MCTP1: variants seen among roughly 807,000 people sequenced by gnomAD.
The protein encoded by MCTP1 is multiple C2 and transmembrane domain-containing protein 1.
In MCTP1, 69 loss-of-function variants were observed where a neutral mutation model predicts 120.6. The ratio of observed to expected loss-of-function variants is 0.57; its 90% CI spans 0.47 to 0.70. MCTP1 has a LOEUF of 0.70. Among genes scored for constraint, MCTP1 ranks in the 30% least tolerant of loss-of-function variants. MCTP1 has a pLI of 0.00. For synonymous variants in MCTP1, 529 were observed against 493.1 expected (o/e 1.07, Z -0.96); for missense variants, 1,203 against 1,248.8 (o/e 0.96, Z 0.55).
chr5:95,003,213 G>A (rs774136915), intron 2 of MCTP1, among the ~76,000 whole-genome samples: 28 of 152,134 alleles, frequency 1.8e-4, no homozygotes, highest in Admixed American at 8.5e-4. Flanking sequence ...ATAGCAACAT[G>A]AGAATGGACT....
At chr5:94,842,092 C>T (rs376578534) in intron 17 of MCTP1, among the ~76,000 whole-genome samples, 10 of 152,124 alleles carry the variant, frequency 6.6e-5, no homozygotes, top group Admixed American at 1.3e-4. Flanking sequence ...CACAGTCATA[C>T]GCAACGCTGT....
At chr5:95,195,029 A>G (rs1582494782) in intron 1 of MCTP1, among the ~76,000 whole-genome samples, 3 of 152,228 alleles carry the variant, frequency 2.0e-5, no homozygotes, top group African/African-American at 7.2e-5. Context: ...ACCAGGAGGA[A>G]TACTGTGTGG....
chr5:95,252,007 G>T (rs1757427492), intron 1 of MCTP1, among the ~76,000 whole-genome samples: 1 of 152,052 alleles, frequency 6.6e-6, no homozygotes, highest in South Asian at 2.1e-4. Context: ...CATCAAAGCA[G>T]AATATCATAC....
intron 10 of MCTP1, among the ~76,000 whole-genome samples, chr5:94,902,520 G>T (rs1203881309): frequency 6.6e-6 from 1 of 152,022 alleles, no homozygotes; most frequent in Non-Finnish European, 1.5e-5. Context: ...GTTTTAAAAA[G>T]CACAATTTTA....
At chr5:95,275,658 T>C (rs1439914354) in intron 1 of MCTP1, among the ~76,000 whole-genome samples, 1 of 152,192 alleles carries the variant, frequency 6.6e-6, no homozygotes, top group East Asian at 1.9e-4. Flanking sequence ...TAATGGGATA[T>C]TTCATATTCT....
chr5:94,917,171 C>A (rs1810296611), intron 8 of MCTP1, among the ~76,000 whole-genome samples: 1 of 152,052 alleles, frequency 6.6e-6, no homozygotes, highest in South Asian at 2.1e-4. Context: ...TGTTGCTAGT[C>A]CACCAAAATC....
rs549602641 is a variant in MCTP1 at position 95,106,786 on chromosome 5, A to G, written c.721-89302T>C. Among the ~76,000 whole-genome samples the G allele has an allele frequency of 2.9e-4, 44 of 152,348 alleles. No homozygotes were observed. The Middle Eastern group carries it at 0.01, about 35-fold the overall frequency. On this transcript the variant is annotated intron_variant, in intron 1 of 22. Coordinates refer to ENST00000515393, the MANE Select transcript of MCTP1 (RefSeq NM_024717.7). ...GCAGGCCACATGCTGTTTTGAAAGCATGGTTCACAGATGTCTGCGTTGACT... is the reference window on the plus strand; with the variant it reads ...GCAGGCCACATGCTGTTTTGAAAGCGTGGTTCACAGATGTCTGCGTTGACT...
chr5:95,181,529 T>A (rs1045049930), intron 1 of MCTP1, among the ~76,000 whole-genome samples: 54 of 152,172 alleles, frequency 3.5e-4, no homozygotes, highest in Non-Finnish European at 4.7e-4. Flanking sequence ...TGTTCCCTCT[T>A]CATTTTCCTT....
chr5:94,714,881 A>G lies in MCTP1; in HGVS notation c.2616T>C (p.Ser872=). ...TTTTATTTATAAATCCCTTTTTTTC[A>G]CTGTCCTAAAATGCAATAAAAAAGA... The part of the protein sequence containing the change: ...EEEDDKDDKD[S]EKKGFINKIY... Residue 872 remains serine (S), a synonymous_variant, in exon 20 of 23, where the codon AGT becomes AGC. Transcript: ENST00000515393. 2 of 1,593,536 alleles carry G rather than the reference A, an allele frequency of 1.3e-6. No individual in the cohort carries two copies. Among genetic ancestry groups the G allele is most frequent in the Non-Finnish European group, 1.7e-6 (2 of 1,161,696 alleles).
chr5:94,715,172 TATAAG>T (rs1437573316), intron 19 of MCTP1, among the ~76,000 whole-genome samples: 1 of 151,218 alleles, frequency 6.6e-6, no homozygotes, highest in African/African-American at 2.4e-5. Flanking sequence ...GGGAGGAAGG[TATAAG>T]AGAGAGGGGA....
At chr5:94,769,092 T>C (rs1260234132) in intron 19 of MCTP1, among the ~76,000 whole-genome samples, 1 of 152,074 alleles carries the variant, frequency 6.6e-6, no homozygotes, top group Non-Finnish European at 1.5e-5. Flanking sequence ...TGCAGCAATG[T>C]GGGTGGGACT....
Position 95,117,974 on chromosome 5 carries a change from G to A in MCTP1, c.721-100490C>T, listed in dbSNP as rs188187155. 9.7e-4 allele frequency among the ~76,000 whole-genome samples: 148 copies of A among 152,214 alleles called. 1 individual carries two copies. Among genetic ancestry groups the A allele is most frequent in the Non-Finnish European group, 1.8e-3 (120 of 68,004 alleles). On this transcript the variant is annotated intron_variant, in intron 1 of 22. Coordinates refer to ENST00000515393, the MANE Select transcript of MCTP1 (RefSeq NM_024717.7). Reference sequence around the variant, plus strand: ...TGGGAGCTGAACAATGAGGACACACGGACACAGGGAGAAGAAAGGGGAACA... The same window carrying A: ...TGGGAGCTGAACAATGAGGACACACAGACACAGGGAGAAGAAAGGGGAACA...
At chr5:94,997,498 T>A (rs546267267) in intron 2 of MCTP1, among the ~76,000 whole-genome samples, 1 of 152,220 alleles carries the variant, frequency 6.6e-6, no homozygotes, top group Non-Finnish European at 1.5e-5. Context: ...GAGTTCATAT[T>A]CTGTACAACT....
chr5:95,009,784 A>G lies in MCTP1; in HGVS notation c.838+7583T>C, dbSNP rs141589229. Among the ~76,000 whole-genome samples, 839 of 152,288 alleles carry G rather than the reference A, an allele frequency of 5.5e-3. 7 individuals carry two copies. Among genetic ancestry groups the G allele is most frequent in the African/African-American group, 0.019 (791 of 41,566 alleles). ...TGTGTCAGACTACCAAAGATCACGTACTTTCTAATTCATTATGCTGCTTAA... is the reference window on the plus strand; with the variant it reads ...TGTGTCAGACTACCAAAGATCACGTGCTTTCTAATTCATTATGCTGCTTAA... On this transcript the variant is annotated intron_variant, in intron 2 of 22. Coordinates refer to ENST00000515393, the MANE Select transcript of MCTP1 (RefSeq NM_024717.7).
chr5:94,704,468 C>T lies in MCTP1; in HGVS notation c.*3028G>A, dbSNP rs949800513. ...ATAACATTAATACAAATGTAGACTA[C>T]TTTGAGCATAGGAGACCTTAGATAT... On this transcript the variant is annotated 3_prime_UTR_variant, in exon 23 of 23. Transcript: ENST00000515393. 6 of 151,392 alleles carry T rather than the reference C, an allele frequency of 4.0e-5. No homozygotes were observed. The highest frequency in any genetic ancestry group is 7.4e-5 in the Non-Finnish European group (5 of 67,610). 9.4% of individuals were successfully genotyped at this position (151,392 alleles called of 1,614,324 possible).
chr5:94,744,316 T>C (rs1225766499), intron 19 of MCTP1, among the ~76,000 whole-genome samples: 1 of 152,236 alleles, frequency 6.6e-6, no homozygotes, highest in African/African-American at 2.4e-5. Context: ...TGTCCACAGC[T>C]GAATTCAGCC....
intron 1 of MCTP1, among the ~76,000 whole-genome samples, chr5:95,139,251 T>C (rs1384488727): frequency 1.3e-5 from 2 of 152,084 alleles, no homozygotes; most frequent in Non-Finnish European, 2.9e-5. Flanking sequence ...ACAAAGAAAA[T>C]AGAGCTGAAT....
At chr5:94,995,592 T>C (rs945306661) in intron 2 of MCTP1, among the ~76,000 whole-genome samples, 1 of 152,172 alleles carries the variant, frequency 6.6e-6, no homozygotes, top group African/African-American at 2.4e-5. Context: ...TTGAGCAAGA[T>C]GACTTTCTTT....
intron 17 of MCTP1, among the ~76,000 whole-genome samples, chr5:94,818,369 C>A (rs1444326819): frequency 6.6e-6 from 1 of 152,208 alleles, no homozygotes; most frequent in African/African-American, 2.4e-5. Flanking sequence ...TGGCCCCCAT[C>A]AGACATAATT....
Sources: gnomAD v4.1 joint callset for allele counts (sites outside exome capture counted in the v4.1 genomes callset) on GRCh38, gnomAD v4.1.1 for gene constraint, MANE v1.5 for transcripts, NCBI Gene and HGNC (gene_info 2026-07-23, HGNC 2026-07-21) for gene names.